The following PPP1R21 variants were observed in gnomAD, a reference collection of about 807,000 sequenced individuals.
The protein encoded by PPP1R21 is KLRAQ motif containing 1.
In PPP1R21, 85 loss-of-function variants were observed where a neutral mutation model predicts 112.8. The observed-to-expected ratio is 0.75, with a 90% CI of 0.63 to 0.90. PPP1R21 has a LOEUF of 0.90. Ranked by LOEUF, PPP1R21 falls within the 40% of genes least tolerant of loss-of-function variation. The probability of loss-of-function intolerance (pLI) is 0.00; values close to 1 mark genes in which losing one functional copy is unlikely to be tolerated. For missense variants in PPP1R21, 1,199 were observed against 901.5 expected (o/e 1.33, Z -4.23); for synonymous variants, 381 against 322.3 (o/e 1.18, Z -1.95).
chr2:48,507,749 C>CTTTTTTTTTTTTTTTTTTTTTTTTT (rs34546075), intron 19 of PPP1R21, among the ~76,000 whole-genome samples: 1 of 42,392 alleles, frequency 2.4e-5, no homozygotes, highest in African/African-American at 1.0e-4. Flanking sequence ...GAGGCTCTGC[C>CTTTTTTTTTTTTTTTTTTTTTTTTT]TTTTTTTTTT....
At position 48,459,834 on chromosome 2, in the gene PPP1R21, C is replaced by T. The variant is rs376812012; in HGVS notation, c.456C>T (p.Ala152=). ...TGGCCACTCTGGAGACAGAAGCAGC[C>T]CAGCACCAAGCTGTGGTTGACGGTC... ...SRLATLETEA[A]QHQAVVDGLT... The change falls in exon 5 of 22, where the codon GCC becomes GCT. Residue 152 remains alanine (A), a synonymous_variant. Transcript: ENST00000294952. 26 of 1,613,918 alleles carry T rather than the reference C, an allele frequency of 1.6e-5. No individual in the cohort carries two copies. Among genetic ancestry groups the T allele is most frequent in the African/African-American group, 4.0e-5 (3 of 74,866 alleles).
At chr2:48,485,095 T>A (rs936504164) in intron 13 of PPP1R21, among the ~76,000 whole-genome samples, 2 of 152,170 alleles carry the variant, frequency 1.3e-5, no homozygotes, top group Admixed American at 6.5e-5. Context: ...GTTCAACCCC[T>A]ATGGAAAGCA....
chr2:48,450,073 A>G (rs976263722), intron 1 of PPP1R21, among the ~76,000 whole-genome samples: 2 of 152,260 alleles, frequency 1.3e-5, no homozygotes, highest in Non-Finnish European at 2.9e-5. Flanking sequence ...TATTTAAAAT[A>G]GCGTTATTTC....
chr2:48,514,924 G>C lies in PPP1R21; in HGVS notation c.*180G>C, dbSNP rs961386471. 11 of 573,458 alleles carry C rather than the reference G, an allele frequency of 1.9e-5. No homozygotes were observed. In the South Asian group the frequency reaches 2.3e-4, roughly 12 times the overall value. The allele number at this position is 573,458 out of a possible 1,614,324, so 35.5% of individuals were successfully genotyped here. A position where few individuals can be genotyped will look rare whatever the true frequency, so the allele number is the denominator to read the frequency against. ...TTTAAAACATATTTGTAACCAGTGA[G>C]GCAAATACAGAAGTTGATGTCGGCA... On this transcript the variant is annotated 3_prime_UTR_variant, in exon 22 of 22. Transcript: ENST00000294952.
chr2:48,454,772 C>T (rs1336658446), intron 3 of PPP1R21, 31 bp downstream of exon 3: 1 of 1,574,684 alleles, frequency 6.4e-7, no homozygotes, highest in African/African-American at 1.3e-5. Flanking sequence ...GTTAGTGTGA[C>T]CTTGTCGTTA....
At chr2:48,483,218 T>C (rs1174392590) in intron 13 of PPP1R21, among the ~76,000 whole-genome samples, 1 of 144,532 alleles carries the variant, frequency 6.9e-6, no homozygotes, top group Non-Finnish European at 1.5e-5. Context: ...TTTTTTTTTT[T>C]TGAGACAAGT....
intron 9 of PPP1R21, among the ~76,000 whole-genome samples, chr2:48,466,847 G>A (rs1254132458): frequency 6.6e-6 from 1 of 152,098 alleles, no homozygotes; most frequent in Non-Finnish European, 1.5e-5. Context: ...GTCCTCAGAA[G>A]GGGAGGTATG....
chr2:48,451,827 G>C (rs548040059), intron 2 of PPP1R21, among the ~76,000 whole-genome samples: 1 of 152,028 alleles, frequency 6.6e-6, no homozygotes, highest in Non-Finnish European at 1.5e-5. Context: ...TCTTACTTCT[G>C]TCTCTTTTTG....
rs527376323 is a variant in PPP1R21 at position 48,440,771 on chromosome 2, A to C, written c.-183A>C. On this transcript the variant is annotated 5_prime_UTR_variant, in exon 1 of 22. Coordinates refer to ENST00000294952, the MANE Select transcript of PPP1R21 (RefSeq NM_001135629.3). Reference sequence around the variant, plus strand: ...GTCGCTCCGCCCCCGGCCCCACTCCACCTTCCTCCCACCCCGGGAACCCGG... The same window carrying C: ...GTCGCTCCGCCCCCGGCCCCACTCCCCCTTCCTCCCACCCCGGGAACCCGG... 9.7e-5 allele frequency: 59 copies of C among 607,644 alleles called. No individual in the cohort carries two copies. Among genetic ancestry groups the C allele is most frequent in the African/African-American group, 9.4e-4 (48 of 50,952 alleles). 37.6% of individuals were successfully genotyped at this position (607,644 alleles called of 1,614,324 possible). A position where few individuals can be genotyped will look rare whatever the true frequency, so the allele number is the denominator to read the frequency against.
intron 1 of PPP1R21, among the ~76,000 whole-genome samples, chr2:48,450,778 T>A (rs1667437587): frequency 6.6e-6 from 1 of 152,096 alleles, no homozygotes; most frequent in Non-Finnish European, 1.5e-5. Context: ...GCCATTGATT[T>A]TTTTTTTTTA....
intron 13 of PPP1R21, among the ~76,000 whole-genome samples, chr2:48,484,039 A>G (rs142804318): frequency 1.3e-5 from 2 of 152,260 alleles, no homozygotes; most frequent in African/African-American, 4.8e-5. Flanking sequence ...GATTCCTTCA[A>G]AACAAACTTT....
At chr2:48,465,680 C>G in intron 9 of PPP1R21, 38 bp downstream of exon 9, 1 of 1,579,692 alleles carries the variant, frequency 6.3e-7, no homozygotes, top group Non-Finnish European at 8.6e-7. Context: ...TTGCCCTGAA[C>G]AAAATAGGGA....
rs1237420769 is a variant in PPP1R21, at chr2:48,493,244, A to C, written c.1599+2074A>C. 1.3e-5 allele frequency among the ~76,000 whole-genome samples: 2 copies of C among 152,034 alleles called. 1 individual carries two copies. The highest frequency in any genetic ancestry group is 4.8e-5 in the African/African-American group (2 of 41,390). ...ATGGTCTTGATCTCCTGACCTCCTG[A>C]TCCACCTGCCTCGGCCTACCAAAGT... On this transcript the variant is annotated intron_variant, in intron 15 of 21. Coordinates refer to ENST00000294952, the MANE Select transcript of PPP1R21 (RefSeq NM_001135629.3).
At chr2:48,474,116 T>G (rs972229521) in intron 11 of PPP1R21, among the ~76,000 whole-genome samples, 142 of 152,304 alleles carry the variant, frequency 9.3e-4, no homozygotes, top group Non-Finnish European at 1.0e-4. Flanking sequence ...GGCGTGGTGG[T>G]TCATGCCTGT....
At chr2:48,505,671 G>A in intron 18 of PPP1R21, 75 bp downstream of exon 18, 1 of 1,226,754 alleles carries the variant, frequency 8.2e-7, no homozygotes, top group Non-Finnish European at 1.2e-6. Context: ...TCCTGCAAAA[G>A]CCATCTTTGT....
intron 13 of PPP1R21, among the ~76,000 whole-genome samples, chr2:48,485,304 A>T (rs1489202483): frequency 7.0e-6 from 1 of 141,874 alleles, no homozygotes; most frequent in Non-Finnish European, 1.6e-5. Flanking sequence ...CTAAAATAAA[A>T]TGTAAAAAAA....
chr2:48,458,126 A>G lies in PPP1R21; in HGVS notation c.274A>G (p.Lys92Glu). 1 of 1,603,942 alleles carries G rather than the reference A, an allele frequency of 6.2e-7. No homozygotes were observed. The highest frequency in any genetic ancestry group is 8.5e-7 in the Non-Finnish European group (1 of 1,171,518). Reference protein sequence around the residue: ...LSEPRGKKNKKSGESSSQLSQ... With the variant: ...LSEPRGKKNKESGESSSQLSQ... Reference sequence around the variant, plus strand: ...GGACATAACTTATTCTTTCCATCAGAAAAGTGGAGAATCTTCTTCTCAGTT... The same window carrying G: ...GGACATAACTTATTCTTTCCATCAGGAAAGTGGAGAATCTTCTTCTCAGTT... Residue 92 changes from lysine to glutamate, a missense_variant and splice_region_variant, in exon 4 of 22, where the codon AAA (lysine) becomes GAA (glutamate). Transcript: ENST00000294952.
In PPP1R21 at chr2:48,461,135, C is replaced by T. The variant is rs367998523; in HGVS notation, c.600-3C>T. On this transcript the variant is annotated splice_region_variant and splice_polypyrimidine_tract_variant and intron_variant, in intron 6 of 21. Coordinates refer to ENST00000294952, the MANE Select transcript of PPP1R21 (RefSeq NM_001135629.3). ...TGGTTTTGTATTTTTTTTTTTTTTG[C>T]AGTCAATTACAGTTAAAGACTCTTC... The T allele has an allele frequency of 2.1e-5, 32 of 1,556,458 alleles. No individual in the cohort carries two copies. In the African/African-American group the frequency reaches 3.9e-4, roughly 19 times the overall value.
chr2:48,456,252 C>CT (rs778594245), intron 3 of PPP1R21, among the ~76,000 whole-genome samples: 14,271 of 130,232 alleles, frequency 0.11, 750 homozygotes, highest in Non-Finnish European at 0.13. Context: ...GATTGCTGCT[C>CT]TTTTTTTTTT....
Sources: allele counts gnomAD v4.1 joint callset (sites outside exome capture counted in the v4.1 genomes callset), GRCh38; gene constraint gnomAD v4.1.1; transcripts MANE v1.5; gene names NCBI Gene and HGNC (gene_info 2026-07-23, HGNC 2026-07-21).